HDAC9: variants seen among roughly 807,000 people sequenced by gnomAD.
The protein encoded by HDAC9 is MEF-2 interacting transcription repressor (MITR) protein.
A neutral mutation model predicts 139.4 loss-of-function variants in HDAC9; 41 were observed. The observed-to-expected ratio is 0.29, with a 90% CI of 0.23 to 0.38. The LOEUF is 0.38. Among genes scored for constraint, HDAC9 ranks in the 10% least tolerant of loss-of-function variants. The pLI is 1.00. For missense variants in HDAC9, 1,147 were observed against 1,297.0 expected (o/e 0.88, Z 1.78); for synonymous variants, 517 against 476.2 (o/e 1.09, Z -1.12).
intron 2 of HDAC9, among the ~76,000 whole-genome samples, chr7:18,173,243 A>C (rs988269731): frequency 3.9e-5 from 6 of 152,034 alleles, no homozygotes; most frequent in African/African-American, 1.2e-4. Context: ...GTTGGTTTAA[A>C]GTCTGTTTTA....
intron 1 of HDAC9, among the ~76,000 whole-genome samples, chr7:18,381,241 A>T (rs1785420685): frequency 6.6e-6 from 1 of 150,900 alleles, no homozygotes; most frequent in Admixed American, 6.6e-5. Flanking sequence ...AAAAAGAAAA[A>T]TAAAATAAAA....
intron 14 of HDAC9, among the ~76,000 whole-genome samples, chr7:18,760,211 T>C (rs1789261285): frequency 1.3e-5 from 2 of 152,190 alleles, no homozygotes; most frequent in Admixed American, 6.5e-5. Flanking sequence ...TCCAATGCCC[T>C]GCTCAGTCCA....
chr7:18,145,912 A>G (rs1297830145), intron 1 of HDAC9, among the ~76,000 whole-genome samples: 2 of 152,136 alleles, frequency 1.3e-5, no homozygotes, highest in Non-Finnish European at 2.9e-5. Flanking sequence ...AGAGGAGCAA[A>G]TTTAGGGCAG....
chr7:18,277,673 A>G (rs1796831249), intron 2 of HDAC9, among the ~76,000 whole-genome samples: 1 of 152,038 alleles, frequency 6.6e-6, no homozygotes, highest in Non-Finnish European at 1.5e-5. Context: ...TCATTTTCTC[A>G]TTTCCTGACA....
chr7:18,883,485 A>C (rs1799886067), intron 22 of HDAC9, among the ~76,000 whole-genome samples: 1 of 152,170 alleles, frequency 6.6e-6, no homozygotes. Context: ...GACAAATTCA[A>C]TGTCCTTTTA....
At chr7:18,953,237 A>G (rs924012283) in intron 23 of HDAC9, among the ~76,000 whole-genome samples, 1 of 152,030 alleles carries the variant, frequency 6.6e-6, no homozygotes, top group Admixed American at 6.6e-5. Flanking sequence ...TTTCTAGGAA[A>G]ACTACTTTTT....
chr7:18,605,012 A>G (rs921290469), intron 6 of HDAC9, among the ~76,000 whole-genome samples: 3 of 152,126 alleles, frequency 2.0e-5, no homozygotes, highest in Non-Finnish European at 2.9e-5. Context: ...AAATTGAGTA[A>G]TTATACTTTT....
chr7:18,582,639 G>A (rs922250259), intron 2 of HDAC9, among the ~76,000 whole-genome samples: 11 of 151,948 alleles, frequency 7.2e-5, no homozygotes, highest in African/African-American at 1.2e-4. Context: ...AAATGGATGC[G>A]ACATATTTTG....
intron 17 of HDAC9, among the ~76,000 whole-genome samples, chr7:18,800,180 G>A (rs1446157277): frequency 2.0e-5 from 3 of 152,282 alleles, no homozygotes; most frequent in South Asian, 4.1e-4. Context: ...CTTCAAAAAT[G>A]ATGGTGAATT....
chr7:18,240,217 C>A (rs1794099959), intron 2 of HDAC9, among the ~76,000 whole-genome samples: 1 of 152,112 alleles, frequency 6.6e-6, no homozygotes, highest in Admixed American at 6.5e-5. Context: ...TGGTATTCCT[C>A]ATGATTCTTC....
In HDAC9 at chr7:18,996,293, A is replaced by C. The variant is rs1786459071; in HGVS notation, c.*231A>C. 2.2e-6 allele frequency: 1 copy of C among 446,658 alleles called. No homozygotes were observed. The highest frequency in any genetic ancestry group is 4.1e-6 in the Non-Finnish European group (1 of 243,730). 27.7% of individuals were successfully genotyped at this position (446,658 alleles called of 1,614,324 possible). A position where few individuals can be genotyped will look rare whatever the true frequency, so the allele number is the denominator to read the frequency against. ...TGTGATTCTAGAGTTACAGTAAACC[A>C]CGATTGGAAGAAACTGCTTCCAGCA... On this transcript the variant is annotated 3_prime_UTR_variant, in exon 26 of 26. Coordinates refer to ENST00000686413, the MANE Select transcript of HDAC9 (RefSeq NM_178425.4).
intron 2 of HDAC9, among the ~76,000 whole-genome samples, chr7:18,257,890 C>T (rs1178936973): frequency 6.6e-6 from 1 of 152,182 alleles, no homozygotes; most frequent in Non-Finnish European, 1.5e-5. Flanking sequence ...TAGACACAAA[C>T]TGTAAGGGAG....
chr7:18,632,462 C>T (rs902766629), intron 7 of HDAC9, among the ~76,000 whole-genome samples: 1 of 151,916 alleles, frequency 6.6e-6, no homozygotes, highest in Non-Finnish European at 1.5e-5. Context: ...CTGGGTGTTC[C>T]CTTTCTCTGA....
At chr7:18,741,721 G>A (rs1375855863) in intron 13 of HDAC9, among the ~76,000 whole-genome samples, 1 of 152,162 alleles carries the variant, frequency 6.6e-6, no homozygotes, top group Admixed American at 6.5e-5. Context: ...ATGGGTCTGA[G>A]CAATGTACAT....
chr7:18,970,329 G>A (rs1038638487), intron 24 of HDAC9, among the ~76,000 whole-genome samples: 1 of 152,012 alleles, frequency 6.6e-6, no homozygotes, highest in African/African-American at 2.4e-5. Flanking sequence ...AGAAGAAGCT[G>A]GTAGCTATGC....
intron 12 of HDAC9, among the ~76,000 whole-genome samples, chr7:18,687,723 T>C (rs1782375798): frequency 6.6e-6 from 1 of 151,828 alleles, no homozygotes; most frequent in Non-Finnish European, 1.5e-5. Context: ...TCAAAATGAA[T>C]AGGAATTCAG....
At chr7:18,131,532 G>A (rs1292698615) in intron 1 of HDAC9, among the ~76,000 whole-genome samples, 2 of 152,152 alleles carry the variant, frequency 1.3e-5, no homozygotes, top group East Asian at 1.9e-4. Flanking sequence ...GACAACTTGT[G>A]GGATGCAGTA....
intron 1 of HDAC9, among the ~76,000 whole-genome samples, chr7:18,482,893 AG>A (rs1292589878): frequency 1.3e-5 from 2 of 152,174 alleles, no homozygotes; most frequent in Admixed American, 6.5e-5. Flanking sequence ...CACTTGTCAA[AG>A]CAAATCATAT....
chr7:18,213,100 C>A (rs570695974), intron 2 of HDAC9, among the ~76,000 whole-genome samples: 15 of 152,260 alleles, frequency 9.9e-5, no homozygotes, highest in African/African-American at 3.4e-4. Flanking sequence ...CAGCCACTTC[C>A]AATTAGAGAC....
Sources: gnomAD v4.1 joint callset for allele counts (sites outside exome capture counted in the v4.1 genomes callset) on GRCh38, gnomAD v4.1.1 for gene constraint, MANE v1.5 for transcripts, NCBI Gene and HGNC (gene_info 2026-07-23, HGNC 2026-07-21) for gene names.